ADAMTSL1: variants seen among roughly 807,000 people sequenced by gnomAD.
ADAMTSL1 encodes ADAMTS-like protein 1.
A neutral mutation model predicts 201.8 loss-of-function variants in ADAMTSL1; 126 were observed. The ratio of observed to expected loss-of-function variants is 0.62; its 90% CI spans 0.54 to 0.72. The LOEUF (loss-of-function observed/expected upper bound fraction) is 0.72, where lower values mean the gene tolerates loss of function less well. Among genes scored for constraint, ADAMTSL1 ranks in the 30% least tolerant of loss-of-function variants. The pLI is 0.00. For synonymous variants in ADAMTSL1, 1,121 were observed against 903.4 expected (o/e 1.24, Z -4.32); for missense variants, 2,679 against 2,277.8 (o/e 1.18, Z -3.59).
chr9:18,850,398 C>T (rs1826416002), intron 23 of ADAMTSL1, among the ~76,000 whole-genome samples: 1 of 152,210 alleles, frequency 6.6e-6, no homozygotes, highest in South Asian at 2.1e-4. Context: ...TTGCTCTGTG[C>T]CCCCTTGTGT....
chr9:18,402,022 C>G (rs898875180), intron 2 of ADAMTSL1, among the ~76,000 whole-genome samples: 10 of 152,202 alleles, frequency 6.6e-5, no homozygotes, highest in African/African-American at 2.2e-4. Context: ...TGTGAGCTAT[C>G]TGGTGATAGG....
intron 4 of ADAMTSL1, among the ~76,000 whole-genome samples, chr9:18,592,033 G>A (rs941152022): frequency 6.6e-6 from 1 of 152,192 alleles, no homozygotes; most frequent in African/African-American, 2.4e-5. Context: ...GGCCCTTTCT[G>A]TTAACCAATG....
intron 1 of ADAMTSL1, among the ~76,000 whole-genome samples, chr9:18,144,572 C>G (rs751416855): frequency 1.3e-5 from 2 of 152,124 alleles, no homozygotes; most frequent in Non-Finnish European, 2.9e-5. Context: ...AAATTTTCCT[C>G]CTATTTCAGT....
In ADAMTSL1 at chr9:18,889,709, T is replaced by C. The variant is rs1283914773; in HGVS notation, c.4604T>C (p.Val1535Ala). 4 of 1,561,608 alleles carry C rather than the reference T, an allele frequency of 2.6e-6. No individual in the cohort carries two copies. In the African/African-American group the frequency reaches 5.5e-5, roughly 22 times the overall value. Residue 1535 changes from valine (V) to alanine (A), a missense_variant, in exon 25 of 29, where the codon GTG becomes GCG. Coordinates refer to ENST00000380548, the MANE Select transcript of ADAMTSL1 (RefSeq NM_001040272.6). Reference protein sequence around the residue: ...AHCAGKVRPAVQPIACNRRDC... With the variant: ...AHCAGKVRPAAQPIACNRRDC... ...TGCGCAGGGAAGGTTCGCCCTGCGGTGCAGCCCATCGCGTGCAACCGGAGA... is the reference window on the plus strand; with the variant it reads ...TGCGCAGGGAAGGTTCGCCCTGCGGCGCAGCCCATCGCGTGCAACCGGAGA...
At chr9:18,051,961 G>A (rs72697475) in intron 1 of ADAMTSL1, among the ~76,000 whole-genome samples, 18 of 152,346 alleles carry the variant, frequency 1.2e-4, no homozygotes, top group Non-Finnish European at 4.4e-5. Context: ...TGGATATAGG[G>A]AAGCATCATG....
intron 13 of ADAMTSL1, among the ~76,000 whole-genome samples, chr9:18,695,865 G>A (rs1436386265): frequency 6.6e-6 from 1 of 152,148 alleles, no homozygotes; most frequent in African/African-American, 2.4e-5. Flanking sequence ...TACCAGTACT[G>A]GGTAATTTCT....
chr9:18,654,642 ATT>A (rs1828508307), intron 7 of ADAMTSL1, among the ~76,000 whole-genome samples: 4 of 152,332 alleles, frequency 2.6e-5, no homozygotes, highest in Admixed American at 2.6e-4. Context: ...AGATTTTATT[ATT>A]GTTGCATATC....
intron 3 of ADAMTSL1, among the ~76,000 whole-genome samples, chr9:18,553,824 C>A (rs1359496246): frequency 1.3e-5 from 2 of 151,676 alleles, no homozygotes; most frequent in Non-Finnish European, 3.0e-5. Context: ...ATCTTTTCTG[C>A]CTGACTTCTT....
chr9:18,438,145 C>T (rs1819831076), intron 2 of ADAMTSL1, among the ~76,000 whole-genome samples: 1 of 151,380 alleles, frequency 6.6e-6, no homozygotes, highest in Non-Finnish European at 1.5e-5. Context: ...AAAGTCTCTT[C>T]ATTGGCGTTA....
At chr9:18,015,049 A>G (rs1563949822) in intron 1 of ADAMTSL1, among the ~76,000 whole-genome samples, 4 of 152,060 alleles carry the variant, frequency 2.6e-5, no homozygotes. Flanking sequence ...AATGTATACT[A>G]TGCTGCAAAA....
intron 1 of ADAMTSL1, among the ~76,000 whole-genome samples, chr9:18,481,955 T>C (rs1244160285): frequency 6.6e-6 from 1 of 152,184 alleles, no homozygotes; most frequent in African/African-American, 2.4e-5. Context: ...CTGTACATAG[T>C]TTCCACTACA....
At position 18,503,008 on chromosome 9, in the gene ADAMTSL1, G is replaced by T. The variant is rs533637924; in HGVS notation, c.64-1821G>T. Reference sequence around the variant, plus strand: ...GCCCTATGTACTTTTAAAAATGTATGTTTATATTTGTTTTTGTGCCAGTGA... The same window carrying T: ...GCCCTATGTACTTTTAAAAATGTATTTTTATATTTGTTTTTGTGCCAGTGA... On this transcript the variant is annotated intron_variant, in intron 1 of 28. Transcript: ENST00000380548. Among the ~76,000 whole-genome samples, 41 of 152,100 alleles carry T rather than the reference G, an allele frequency of 2.7e-4. No homozygotes were observed. In the East Asian group the frequency reaches 6.6e-3, roughly 24 times the overall value.
chr9:18,732,079 C>T (rs899875174), intron 15 of ADAMTSL1, among the ~76,000 whole-genome samples: 8 of 152,154 alleles, frequency 5.3e-5, no homozygotes, highest in African/African-American at 1.7e-4. Context: ...TAAGGATGAT[C>T]GCATATGTAA....
At chr9:18,268,365 T>A (rs1832222117) in intron 2 of ADAMTSL1, among the ~76,000 whole-genome samples, 1 of 152,184 alleles carries the variant, frequency 6.6e-6, no homozygotes, top group African/African-American at 2.4e-5. Flanking sequence ...TTCTACTTTA[T>A]TTGGTTTATC....
intron 14 of ADAMTSL1, chr9:18,718,676 C>T (rs917247015): frequency 5.8e-5 from 20 of 345,236 alleles, no homozygotes; most frequent in Admixed American, 4.7e-4. Flanking sequence ...TGACTCTGGG[C>T]GAGGTTTGGC....
At chr9:18,724,291 T>G (rs760791547) in intron 15 of ADAMTSL1, among the ~76,000 whole-genome samples, 10 of 152,204 alleles carry the variant, frequency 6.6e-5, no homozygotes, top group Non-Finnish European at 1.3e-4. Context: ...GTCAGAATTA[T>G]CAGATCACAT....
At chr9:18,749,022 A>C (rs921665922) in intron 15 of ADAMTSL1, among the ~76,000 whole-genome samples, 1 of 152,160 alleles carries the variant, frequency 6.6e-6, no homozygotes, top group Non-Finnish European at 1.5e-5. Context: ...CTGTCGTCGC[A>C]TGGCATTTTG....
intron 1 of ADAMTSL1, among the ~76,000 whole-genome samples, chr9:18,130,268 G>A (rs1012246557): frequency 6.6e-6 from 1 of 152,122 alleles, no homozygotes; most frequent in African/African-American, 2.4e-5. Flanking sequence ...CTATCAAGCA[G>A]CTCCTGCTTT....
At chr9:18,824,625 C>T (rs1487594984) in intron 21 of ADAMTSL1, among the ~76,000 whole-genome samples, 1 of 151,860 alleles carries the variant, frequency 6.6e-6, no homozygotes, top group Non-Finnish European at 1.5e-5. Flanking sequence ...AACACTAGAC[C>T]ACTAGACTAA....
Sources: gnomAD v4.1 joint callset for allele counts (sites outside exome capture counted in the v4.1 genomes callset) on GRCh38, gnomAD v4.1.1 for gene constraint, MANE v1.5 for transcripts, NCBI Gene and HGNC (gene_info 2026-07-23, HGNC 2026-07-21) for gene names.